The following SPTAN1 variants were observed in gnomAD, a reference collection of about 807,000 sequenced individuals.
The protein encoded by SPTAN1 is spectrin alpha chain, non-erythrocytic 1.
SPTAN1 carries 61 observed loss-of-function variants against 331.3 expected under a neutral mutation model. The ratio of observed to expected loss-of-function variants is 0.18; its 90% CI spans 0.15 to 0.23. SPTAN1 has a LOEUF of 0.23. Ranked by LOEUF, SPTAN1 falls within the 10% of genes least tolerant of loss-of-function variation. The pLI is 1.00. For synonymous variants in SPTAN1, 1,153 were observed against 1,173.9 expected (o/e 0.98, Z 0.36); for missense variants, 2,043 against 3,147.9 (o/e 0.65, Z 8.40).
chr9:128,603,880 GGCTTCCTT>G (rs1448787853), intron 28 of SPTAN1, among the ~76,000 whole-genome samples: 1 of 152,224 alleles, frequency 6.6e-6, no homozygotes, highest in Non-Finnish European at 1.5e-5. Context: ...TGCAGTGAGC[GGCTTCCTT>G]GCCGCCTGCA....
chr9:128,606,901 A>AGGG (rs1344691638), intron 31 of SPTAN1, among the ~76,000 whole-genome samples: 1 of 152,104 alleles, frequency 6.6e-6, no homozygotes, highest in Non-Finnish European at 1.5e-5. Flanking sequence ...ACCCCTCTCT[A>AGGG]GTTTTGGAAC....
intron 1 of SPTAN1, chr9:128,555,536 A>G (rs547027952): frequency 1.9e-6 from 1 of 532,196 alleles, no homozygotes; most frequent in African/African-American, 2.0e-5. Flanking sequence ...GTTTCTGTTA[A>G]ACAAATTGGT....
intron 29 of SPTAN1, 110 bp downstream of exon 29, chr9:128,604,527 A>C (rs1855573018): frequency 2.8e-6 from 3 of 1,086,042 alleles, no homozygotes; most frequent in Non-Finnish European, 4.1e-6. Flanking sequence ...GCTCTTACTG[A>C]TGTTTATTTG....
chr9:128,630,437 C>T (rs1281625799), intron 52 of SPTAN1, 62 bp downstream of exon 52: 1 of 1,551,072 alleles, frequency 6.4e-7, no homozygotes, highest in Non-Finnish European at 8.9e-7. Context: ...CCCAGGGTAC[C>T]CCTTCCCTTC....
At position 128,627,747 on chromosome 9, in the gene SPTAN1, G is replaced by T; in HGVS notation, c.6690-178G>T. On this transcript the variant is annotated intron_variant, in intron 50 of 56. Transcript: ENST00000372739. The surrounding 1 kb of genome is among the most constrained non-coding windows in gnomAD (Gnocchi z 4.9). The stretch of plus-strand genomic sequence containing the variant: ...TCCCGGATTGAGTGGGACCATGCAG[G>T]GCGCGTGGTCAGCCCCAGCCATGAC... 1 of 856,820 alleles carries T rather than the reference G, an allele frequency of 1.2e-6. No homozygotes were observed. Among genetic ancestry groups the T allele is most frequent in the Admixed American group, 1.7e-5 (1 of 58,290 alleles). The allele number at this position is 856,820 out of a possible 1,614,324, so 53.1% of individuals were successfully genotyped here.
chr9:128,588,981 T>C (rs760401725), intron 21 of SPTAN1, 38 bp downstream of exon 21: 1 of 1,611,718 alleles, frequency 6.2e-7, no homozygotes, highest in Admixed American at 1.7e-5. Context: ...TGTTCCACGC[T>C]GGCACCTCCA....
chr9:128,630,542 T>C, intron 52 of SPTAN1, 167 bp downstream of exon 52: 1 of 645,132 alleles, frequency 1.6e-6, no homozygotes, highest in Non-Finnish European at 2.7e-6. Flanking sequence ...CTCTCTTTTC[T>C]TTCTTTCTTC....
At chr9:128,575,984 G>T (rs544674143) in intron 5 of SPTAN1, among the ~76,000 whole-genome samples, 1 of 152,214 alleles carries the variant, frequency 6.6e-6, no homozygotes, top group East Asian at 1.9e-4. Flanking sequence ...CTGCTTATAG[G>T]CTGGTACTTG....
At chr9:128,626,187 G>A in intron 48 of SPTAN1, 1 of 894,222 alleles carries the variant, frequency 1.1e-6, no homozygotes, top group South Asian at 1.5e-5. Flanking sequence ...GGACAGACTA[G>A]AGACAAGGGC....
At chr9:128,562,069 C>T (rs1215723936) in intron 1 of SPTAN1, among the ~76,000 whole-genome samples, 1 of 152,126 alleles carries the variant, frequency 6.6e-6, no homozygotes, top group Admixed American at 6.5e-5. Flanking sequence ...TTCAGAAAGA[C>T]TTCATAGAGG....
intron 37 of SPTAN1, among the ~76,000 whole-genome samples, chr9:128,609,877 C>T (rs1856379537): frequency 1.3e-5 from 2 of 152,202 alleles, no homozygotes; most frequent in Admixed American, 1.3e-4. Context: ...CTTACTCCCC[C>T]TTCTCTCCCC....
At chr9:128,569,108 T>C (rs1389481522) in intron 3 of SPTAN1, among the ~76,000 whole-genome samples, 1 of 152,226 alleles carries the variant, frequency 6.6e-6, no homozygotes, top group African/African-American at 2.4e-5. Context: ...GAAATTAATA[T>C]TCCTTTTGCA....
intron 2 of SPTAN1, 95 bp downstream of exon 2, chr9:128,567,072 G>T: frequency 6.5e-7 from 1 of 1,539,762 alleles, no homozygotes. Flanking sequence ...TTATGACCTT[G>T]AGAGATTGGA....
At chr9:128,578,080 A>G in intron 8 of SPTAN1, 30 bp from the exon 9 acceptor site, 1 of 1,613,962 alleles carries the variant, frequency 6.2e-7, no homozygotes, top group East Asian at 2.2e-5. Context: ...CTCCGCTGGA[A>G]ACATAATGTC....
intron 2 of SPTAN1, among the ~76,000 whole-genome samples, chr9:128,567,223 T>C (rs372294933): frequency 2.0e-5 from 3 of 152,260 alleles, no homozygotes; most frequent in Admixed American, 6.5e-5. Flanking sequence ...ATACTACTGG[T>C]GAGCTTTAAA....
rs1318870404 is a variant in SPTAN1 at position 128,577,580 on chromosome 9, G to T, written c.1085+74G>T. On this transcript the variant is annotated intron_variant, in intron 8 of 56. Transcript: ENST00000372739. This position sits in a 1 kb window ranked among gnomAD's most constrained non-coding sequence, Gnocchi z 4.2. ...TGGAAGCAGGAATAGCAGAGTTAAG[G>T]GTCTGTTCTGTGTTCTGTGAAAGTG... 6.3e-6 allele frequency: 10 copies of T among 1,590,912 alleles called. No individual in the cohort carries two copies. Among genetic ancestry groups the T allele is most frequent in the Non-Finnish European group, 8.6e-6 (10 of 1,164,168 alleles).
At chr9:128,605,532 T>A in intron 31 of SPTAN1, 55 bp downstream of exon 31, 1 of 1,603,246 alleles carries the variant, frequency 6.2e-7, no homozygotes, top group South Asian at 1.1e-5. Context: ...TTTGTAGGGG[T>A]CATTTTTATT....
At chr9:128,593,972 C>G in intron 23 of SPTAN1, 1 of 623,292 alleles carries the variant, frequency 1.6e-6, no homozygotes, top group East Asian at 3.0e-5. Context: ...GTGAACAGTA[C>G]AGTGTGCGCA....
Position 128,583,341 on chromosome 9 carries a change from A to G in SPTAN1, c.2011+60A>G, listed in dbSNP as rs948000255. The G allele has an allele frequency of 3.4e-5, 52 of 1,543,926 alleles. No homozygotes were observed. In the African/African-American group the frequency reaches 4.7e-4, roughly 14 times the overall value. On this transcript the variant is annotated intron_variant, in intron 15 of 56. Coordinates refer to ENST00000372739, the MANE Select transcript of SPTAN1 (RefSeq NM_001130438.3). ...TTTGGGGAACTAAATACCCCTTTCT[A>G]TTAAGTATTTTAGGGACATATACCC... is the stretch of plus-strand genomic sequence containing the variant.
Sources: allele counts gnomAD v4.1 joint callset (sites outside exome capture counted in the v4.1 genomes callset), GRCh38; gene constraint gnomAD v4.1.1; non-coding constraint Gnocchi (gnomAD v3.1); transcripts MANE v1.5; gene names NCBI Gene and HGNC (gene_info 2026-07-23, HGNC 2026-07-21).